PIPOX: variants seen among roughly 807,000 people sequenced by gnomAD.
PIPOX encodes pipecolic acid and sarcosine oxidase.
A neutral mutation model predicts 47.9 loss-of-function variants in PIPOX; 45 were observed. The observed-to-expected ratio is 0.94, with a 90% confidence interval of 0.74 to 1.20. The LOEUF (loss-of-function observed/expected upper bound fraction) is 1.20, where lower values mean the gene tolerates loss of function less well. PIPOX is among the 50% of genes most tolerant of loss of function. The probability of loss-of-function intolerance (pLI) is 0.00; values close to 1 mark genes in which losing one functional copy is unlikely to be tolerated. For synonymous variants in PIPOX, 165 were observed against 191.3 expected (o/e 0.86, Z 1.13); for missense variants, 458 against 498.4 (o/e 0.92, Z 0.77).
chr17:29,046,271 C>T (rs1000589416), intron 2 of PIPOX, among the ~76,000 whole-genome samples: 1 of 152,210 alleles, frequency 6.6e-6, no homozygotes, highest in Admixed American at 6.5e-5. Context: ...GTGAATACTG[C>T]TGAGCATCTT....
rs1337417191 is a variant in PIPOX at position 29,054,437 on chromosome 17, G to T, written c.661-108G>T. On this transcript the variant is annotated intron_variant, in intron 4 of 7. Transcript: ENST00000323372. ...AGACAAACATGGATGAGTTCAACTGGGTGTCCAGGCTTGTGTTAGAGGGCC... is the reference window on the plus strand; with the variant it reads ...AGACAAACATGGATGAGTTCAACTGTGTGTCCAGGCTTGTGTTAGAGGGCC... 5 of 1,152,462 alleles carry T rather than the reference G, an allele frequency of 4.3e-6. No individual in the cohort carries two copies. In the Admixed American group the frequency reaches 9.7e-5, roughly 22 times the overall value. The allele number at this position is 1,152,462 out of a possible 1,614,324, so 71.4% of individuals were successfully genotyped here. A position where few individuals can be genotyped will look rare whatever the true frequency, so the allele number is the denominator to read the frequency against.
intron 2 of PIPOX, chr17:29,052,099 ACAGG>A (rs2065808660): frequency 2.2e-6 from 1 of 463,928 alleles, no homozygotes; most frequent in African/African-American, 2.0e-5. Flanking sequence ...TTTCCACAAA[ACAGG>A]CAGCCTCTGA....
intron 6 of PIPOX, among the ~76,000 whole-genome samples, 175 bp from the exon 7 acceptor site, chr17:29,055,638 G>C (rs1002563977): frequency 1.1e-4 from 17 of 152,318 alleles, no homozygotes; most frequent in Non-Finnish European, 2.1e-4. Context: ...AAGGCAGCCG[G>C]ACAAATGAAA....
At chr17:29,048,947 G>A (rs1342906663) in intron 2 of PIPOX, among the ~76,000 whole-genome samples, 6 of 152,198 alleles carry the variant, frequency 3.9e-5, no homozygotes, top group Non-Finnish European at 8.8e-5. Context: ...GAGAGCTGAA[G>A]CTTGGGATGG....
At chr17:29,050,054 C>T (rs1168210359) in intron 2 of PIPOX, among the ~76,000 whole-genome samples, 1 of 152,124 alleles carries the variant, frequency 6.6e-6, no homozygotes, top group Admixed American at 6.5e-5. Flanking sequence ...CATAATTCAA[C>T]AGATATGCCC....
rs779907163 is a variant in PIPOX at position 29,044,855 on chromosome 17, C to T, written c.115-4C>T. On this transcript the variant is annotated splice_region_variant and splice_polypyrimidine_tract_variant and intron_variant, in intron 1 of 7. Transcript: ENST00000323372. ...CCATCATCTCTCTTGTTTTCCACTT[C>T]CAGTTCTTTCTACCACACTCCCGAG... The T allele has an allele frequency of 1.9e-6, 3 of 1,608,814 alleles. No individual in the cohort carries two copies. In the East Asian group the frequency reaches 6.7e-5, roughly 36 times the overall value.
intron 2 of PIPOX, among the ~76,000 whole-genome samples, chr17:29,045,877 T>G (rs975370249): frequency 2.0e-5 from 3 of 152,194 alleles, no homozygotes; most frequent in African/African-American, 7.2e-5. Flanking sequence ...CCTCCACGTC[T>G]TTCTCTGCTG....
chr17:29,054,450 G>A (rs557327385), intron 4 of PIPOX, 95 bp from the exon 5 acceptor site: 3 of 1,383,526 alleles, frequency 2.2e-6, no homozygotes, highest in African/African-American at 1.4e-5. Flanking sequence ...GTCCAGGCTT[G>A]TGTTAGAGGG....
chr17:29,055,964 A>T (rs1598241032), intron 7 of PIPOX, 76 bp downstream of exon 7: 1 of 1,405,244 alleles, frequency 7.1e-7, no homozygotes, highest in Non-Finnish European at 1.0e-6. Flanking sequence ...TATTTTCCAC[A>T]CTCTTAGCTG....
At chr17:29,054,804 T>C in intron 5 of PIPOX, 113 bp downstream of exon 5, 2 of 1,263,086 alleles carry the variant, frequency 1.6e-6, no homozygotes, top group African/African-American at 3.0e-5. Flanking sequence ...AGCAGGAGCC[T>C]GCTTCACTCA....
chr17:29,051,698 G>A (rs1287742868), intron 2 of PIPOX, among the ~76,000 whole-genome samples: 1 of 152,064 alleles, frequency 6.6e-6, no homozygotes, highest in African/African-American at 2.4e-5. Flanking sequence ...AGCATAGAGG[G>A]AGGTACAGGG....
intron 2 of PIPOX, among the ~76,000 whole-genome samples, chr17:29,048,899 C>A (rs760671157): frequency 6.6e-6 from 1 of 152,208 alleles, no homozygotes; most frequent in Non-Finnish European, 1.5e-5. Context: ...CAAGGTGACT[C>A]AGAGCTGGCT....
Position 29,053,098 on chromosome 17 carries a change from G to A in PIPOX, c.442G>A (p.Val148Ile), listed in dbSNP as rs1206977298. The change falls in exon 3 of 8, where the codon GTT (valine) becomes ATT (isoleucine). Residue 148 changes from valine to isoleucine, a missense_variant. Val to Ile is a conservative substitution (Grantham distance 29). Transcript: ENST00000323372. ...EVGLLDNSGG[V>I]IYAYKALRAL... ...GGGGCTCTTGGACAATTCCGGAGGAGTTATCTATGCATATAAGGCCCTCAG... is the reference window on the plus strand; with the variant it reads ...GGGGCTCTTGGACAATTCCGGAGGAATTATCTATGCATATAAGGCCCTCAG... 2 of 1,614,224 alleles carry A rather than the reference G, an allele frequency of 1.2e-6. No homozygotes were observed. The highest frequency in any genetic ancestry group is 1.7e-6 in the Non-Finnish European group (2 of 1,180,036).
Position 29,044,917 on chromosome 17 carries a change from C to T in PIPOX, c.173C>T (p.Ala58Val), listed in dbSNP as rs773849011. 22 of 1,613,994 alleles carry T rather than the reference C, an allele frequency of 1.4e-5. No individual in the cohort carries two copies. Among genetic ancestry groups the T allele is most frequent in the Admixed American group, 8.3e-5 (5 of 59,982 alleles). Residue 58 changes from alanine to valine, a missense_variant, in exon 2 of 8, where the codon GCG (alanine) becomes GTG (valine). Coordinates refer to ENST00000323372, the MANE Select transcript of PIPOX (RefSeq NM_016518.3). Reference protein sequence around the residue: ...SHGQSRIIRKAYLEDFYTRMM... With the variant: ...SHGQSRIIRKVYLEDFYTRMM... ...GGACAAAGCCGGATAATCCGAAAGG[C>T]GTACCTGGAAGACTTTTACACCCGG...
Position 29,053,499 on chromosome 17 carries a change from C to G in PIPOX, c.564C>G (p.Thr188=). Residue 188 remains threonine, a synonymous_variant, in exon 4 of 8, where the codon ACC becomes ACG. Transcript: ENST00000323372. ...CAGGGCTACTGGTCACGGTGAAAAC[C>G]ACCTCCAGGAGCTACCAAGCTAAGA... is the stretch of plus-strand genomic sequence containing the variant. ...INPGLLVTVK[T]TSRSYQAKSL... 6.2e-7 allele frequency: 1 copy of G among 1,614,130 alleles called. No homozygotes were observed. Among genetic ancestry groups the G allele is most frequent in the Non-Finnish European group, 8.5e-7 (1 of 1,179,974 alleles).
At position 29,043,221 on chromosome 17, in the gene PIPOX, G is replaced by A. The variant is rs754620386; in HGVS notation, c.-5G>A. The A allele has an allele frequency of 1.2e-6, 2 of 1,607,202 alleles. No individual in the cohort carries two copies. Among genetic ancestry groups the A allele is most frequent in the Admixed American group, 3.3e-5 (2 of 59,738 alleles). On this transcript the variant is annotated 5_prime_UTR_variant, in exon 1 of 8. Coordinates refer to ENST00000323372, the MANE Select transcript of PIPOX (RefSeq NM_016518.3). ...GGCTCTGTGGCTGTGGGGCTGAGTG[G>A]CATCATGGCGGCTCAGAAAGATCTC...
rs759201500 is a variant in PIPOX, at chr17:29,043,277, C to T, written c.52C>T (p.Gln18Ter). ...WDAIVIGAGIQGCFTAYHLAK... is the reference protein window; with the variant it reads ...WDAIVIGAGI ...CGCCATTGTGATTGGGGCGGGGATC[C>T]AGGGCTGCTTCACTGCATACCACCT... Residue 18 changes from glutamine (Q) to a stop codon, truncating the protein, a stop_gained, in exon 1 of 8, where the codon CAG becomes TAG. Coordinates refer to ENST00000323372, the MANE Select transcript of PIPOX (RefSeq NM_016518.3). LOFTEE classifies it high-confidence loss of function. 1.9e-6 allele frequency: 3 copies of T among 1,613,696 alleles called. No individual in the cohort carries two copies. Among genetic ancestry groups the T allele is most frequent in the Non-Finnish European group, 2.5e-6 (3 of 1,179,776 alleles).
intron 3 of PIPOX, 73 bp downstream of exon 3, chr17:29,053,206 C>A (rs1006485308): frequency 4.9e-6 from 7 of 1,435,846 alleles, no homozygotes; most frequent in Non-Finnish European, 6.8e-6. Flanking sequence ...GCAGCCAGCC[C>A]AAGACCCCCC....
chr17:29,047,510 ATCTT>A (rs2065790140), intron 2 of PIPOX, among the ~76,000 whole-genome samples: 3 of 146,152 alleles, frequency 2.1e-5, no homozygotes, highest in Admixed American at 2.0e-4. Context: ...CGTAGTAAGT[ATCTT>A]AGCCTTTGCA....
Sources: allele counts gnomAD v4.1 joint callset (sites outside exome capture counted in the v4.1 genomes callset), GRCh38; gene constraint gnomAD v4.1.1; transcripts MANE v1.5; gene names NCBI Gene and HGNC (gene_info 2026-07-23, HGNC 2026-07-21).